KANSL1L: variants seen among roughly 807,000 people sequenced by gnomAD.
KANSL1L encodes KAT8 regulatory NSL complex subunit 1 like.
Under a neutral mutation model 108.6 loss-of-function variants are expected in KANSL1L, and 25 were observed. The observed-to-expected ratio is 0.23, with a 90% confidence interval of 0.17 to 0.32. KANSL1L has a LOEUF of 0.32. Ranked by LOEUF, KANSL1L falls within the 10% of genes least tolerant of loss-of-function variation. The pLI is 1.00. For missense variants in KANSL1L, 1,137 were observed against 1,125.7 expected (o/e 1.01, Z -0.14); for synonymous variants, 405 against 395.1 (o/e 1.03, Z -0.30).
At chr2:210,161,578 C>T (rs2095361734) in intron 1 of KANSL1L, among the ~76,000 whole-genome samples, 1 of 151,980 alleles carries the variant, frequency 6.6e-6, no homozygotes, top group Non-Finnish European at 1.5e-5. Flanking sequence ...ATTGGACTTC[C>T]TAAAAATTAA....
chr2:210,148,025 T>C (rs2125619491), intron 2 of KANSL1L, among the ~76,000 whole-genome samples: 2 of 152,308 alleles, frequency 1.3e-5, no homozygotes, highest in Middle Eastern at 6.8e-3. Flanking sequence ...TTTTCTTTGG[T>C]GAATGCCTTA....
intron 2 of KANSL1L, chr2:210,152,787 C>T (rs1183748027): frequency 6.6e-6 from 1 of 152,094 alleles, no homozygotes; most frequent in African/African-American, 2.4e-5. Context: ...GATACACTCC[C>T]AAAGACAATG....
rs556254168 is a variant in KANSL1L at position 210,022,391 on chromosome 2, A to C, written c.*558T>G. On this transcript the variant is annotated 3_prime_UTR_variant, in exon 15 of 15. Coordinates refer to ENST00000281772, the MANE Select transcript of KANSL1L (RefSeq NM_152519.4). ...ATTAGTGGAAACCTGTGTTTTATCT[A>C]TTCTGCAGCTTACATTTCATAGGGT... The C allele has an allele frequency of 6.5e-6, 1 of 152,876 alleles. No individual in the cohort carries two copies. The highest frequency in any genetic ancestry group is 2.4e-5 in the African/African-American group (1 of 41,428). The allele number at this position is 152,876 out of a possible 1,614,324, so 9.5% of individuals were successfully genotyped here. A position where few individuals can be genotyped will look rare whatever the true frequency, so the allele number is the denominator to read the frequency against.
chr2:210,074,456 A>T (rs2094528577), intron 6 of KANSL1L, among the ~76,000 whole-genome samples: 1 of 152,150 alleles, frequency 6.6e-6, no homozygotes, highest in Admixed American at 6.5e-5. Context: ...CAGCCTCCCT[A>T]GTGGATGGGA....
rs369377153 is a variant in KANSL1L at position 210,098,336 on chromosome 2, TGACAAA to T, written c.1429-135_1429-130del. Reference sequence around the variant, plus strand: ...TTTTTATTTTAGTAAATGTTTTATTTGACAAAGACAATTTATACAACTGATTTTTCC... The same window carrying T: ...TTTTTATTTTAGTAAATGTTTTATTTGACAATTTATACAACTGATTTTTCC... On this transcript the variant is annotated intron_variant, in intron 4 of 14. Coordinates refer to ENST00000281772, the MANE Select transcript of KANSL1L (RefSeq NM_152519.4). 941 of 808,858 alleles carry T rather than the reference TGACAAA, an allele frequency of 1.2e-3. 4 individuals are homozygous for T. Among genetic ancestry groups the T allele is most frequent in the African/African-American group, 3.7e-3 (203 of 54,504 alleles). 50.1% of individuals were successfully genotyped at this position (808,858 alleles called of 1,614,324 possible). A position where few individuals can be genotyped will look rare whatever the true frequency, so the allele number is the denominator to read the frequency against.
At position 210,040,309 on chromosome 2, in the gene KANSL1L, A is replaced by G. The variant is rs1385405571; in HGVS notation, c.2029+111T>C. Reference sequence around the variant, plus strand: ...TGTAAAAAGTGAGTATTAAAAATTAAGGATTTTCATGTATTCTTTTCTTAG... The same window carrying G: ...TGTAAAAAGTGAGTATTAAAAATTAGGGATTTTCATGTATTCTTTTCTTAG... On this transcript the variant is annotated intron_variant, in intron 8 of 14. Transcript: ENST00000281772. 3 of 657,500 alleles carry G rather than the reference A, an allele frequency of 4.6e-6. No individual in the cohort carries two copies. In the Admixed American group the frequency reaches 9.5e-5, roughly 21 times the overall value. 40.7% of individuals were successfully genotyped at this position (657,500 alleles called of 1,614,324 possible). A position where few individuals can be genotyped will look rare whatever the true frequency, so the allele number is the denominator to read the frequency against.
intron 8 of KANSL1L, among the ~76,000 whole-genome samples, chr2:210,033,523 T>G (rs1365831781): frequency 3.3e-5 from 5 of 152,066 alleles, no homozygotes; most frequent in Non-Finnish European, 7.4e-5. Flanking sequence ...AGGAATCAAC[T>G]TTCACAAAAG....
At chr2:210,051,583 GTTTT>G (rs773406807) in intron 6 of KANSL1L, among the ~76,000 whole-genome samples, 5 of 152,108 alleles carry the variant, frequency 3.3e-5, no homozygotes, top group Non-Finnish European at 5.9e-5. Context: ...AATAATGACA[GTTTT>G]ATTTCACCCT....
At chr2:210,050,127 C>G (rs573171628) in intron 6 of KANSL1L, among the ~76,000 whole-genome samples, 1 of 152,298 alleles carries the variant, frequency 6.6e-6, no homozygotes, top group African/African-American at 2.4e-5. Flanking sequence ...AGAAAGGCTC[C>G]AGAAATCCTC....
chr2:210,048,582 T>TAC (rs1001776392), intron 6 of KANSL1L, among the ~76,000 whole-genome samples: 29 of 152,128 alleles, frequency 1.9e-4, no homozygotes, highest in Non-Finnish European at 3.5e-4. Flanking sequence ...TATATATATA[T>TAC]ACACACACAC....
intron 4 of KANSL1L, among the ~76,000 whole-genome samples, chr2:210,099,722 T>A (rs1054645155): frequency 1.3e-5 from 2 of 152,138 alleles, no homozygotes; most frequent in African/African-American, 4.8e-5. Context: ...CCACTGGACG[T>A]CGCTAATTGG....
intron 6 of KANSL1L, among the ~76,000 whole-genome samples, chr2:210,054,643 C>T (rs1266764923): frequency 6.6e-6 from 1 of 152,064 alleles, no homozygotes; most frequent in Admixed American, 6.5e-5. Flanking sequence ...TTATATCATA[C>T]TCAGTGATGA....
chr2:210,107,434 T>C (rs2094858003), intron 3 of KANSL1L, among the ~76,000 whole-genome samples: 1 of 150,830 alleles, frequency 6.6e-6, no homozygotes, highest in South Asian at 2.1e-4. Flanking sequence ...AGAGGAAATA[T>C]AGGAATCTGT....
At chr2:210,142,484 C>T (rs905075244) in intron 2 of KANSL1L, among the ~76,000 whole-genome samples, 3 of 151,900 alleles carry the variant, frequency 2.0e-5, no homozygotes, top group African/African-American at 7.2e-5. Context: ...TTTCTAATAT[C>T]TTCTGCTTTG....
intron 8 of KANSL1L, among the ~76,000 whole-genome samples, chr2:210,034,108 CCAA>C (rs2094065976): frequency 1.3e-5 from 2 of 152,134 alleles, no homozygotes; most frequent in Admixed American, 1.3e-4. Flanking sequence ...TTTTATTCAT[CCAA>C]CAACAACTTT....
At chr2:210,061,219 A>G (rs1294256519) in intron 6 of KANSL1L, among the ~76,000 whole-genome samples, 1 of 152,238 alleles carries the variant, frequency 6.6e-6, no homozygotes, top group Non-Finnish European at 1.5e-5. Flanking sequence ...TTAGCTTCCT[A>G]TATAAACAAT....
chr2:210,145,631 T>C (rs948733867), intron 2 of KANSL1L, among the ~76,000 whole-genome samples: 4 of 152,190 alleles, frequency 2.6e-5, no homozygotes, highest in Non-Finnish European at 5.9e-5. Flanking sequence ...TTCTGAGGCA[T>C]GGGCACACAG....
chr2:210,036,015 A>T (rs371954578), intron 8 of KANSL1L, among the ~76,000 whole-genome samples: 5 of 152,290 alleles, frequency 3.3e-5, no homozygotes, highest in African/African-American at 1.2e-4. Context: ...AGAAGCACTA[A>T]TCTGGAACGC....
At chr2:210,081,509 T>C (rs2094589684) in intron 5 of KANSL1L, among the ~76,000 whole-genome samples, 1 of 152,238 alleles carries the variant, frequency 6.6e-6, no homozygotes, top group Non-Finnish European at 1.5e-5. Flanking sequence ...CTCTCCTTCC[T>C]AGCATTTTCA....
Sources: gnomAD v4.1 joint callset for allele counts (sites outside exome capture counted in the v4.1 genomes callset) on GRCh38, gnomAD v4.1.1 for gene constraint, MANE v1.5 for transcripts, NCBI Gene and HGNC (gene_info 2026-07-23, HGNC 2026-07-21) for gene names.